The following FAM72D variants were observed in gnomAD, a reference collection of about 807,000 sequenced individuals.
FAM72D encodes RUMY family member 4.
For synonymous variants in FAM72D, 4 were observed against 35.1 expected (o/e 0.11, Z 3.13); for missense variants, 9 against 104.7 (o/e 0.09, Z 3.99).
Position 145,105,653 on chromosome 1 carries a change from A to G in FAM72D, c.355+2522A>G, listed in dbSNP as rs1229365160. Among the ~76,000 whole-genome samples, 7 of 149,302 alleles carry G rather than the reference A, an allele frequency of 4.7e-5. 1 individual carries two copies. Among genetic ancestry groups the G allele is most frequent in the Admixed American group, 6.7e-5 (1 of 15,032 alleles). On this transcript the variant is annotated intron_variant, in intron 3 of 3. Transcript: ENST00000400889. ...GCACCAAGAGTGGAACTCCATCTGA[A>G]AAAAAAAAGGAATAAGAGGCCGGGC...
In FAM72D at chr1:145,102,747, C is replaced by CAATAATAAT. The variant is rs199492496; in HGVS notation, c.231-225_231-217dup. ...GGGTGACAAGAGCAAAACTCGGTCT[C>CAATAATAAT]AATAATAATAATAATAATAATAATA... is the stretch of plus-strand genomic sequence containing the variant. On this transcript the variant is annotated intron_variant, in intron 2 of 3. Coordinates refer to ENST00000400889, the MANE Select transcript of FAM72D (RefSeq NM_207418.3). 4.7e-3 allele frequency among the ~76,000 whole-genome samples: 536 copies of CAATAATAAT among 114,848 alleles called. 3 individuals are homozygous for CAATAATAAT. Among genetic ancestry groups the CAATAATAAT allele is most frequent in the Non-Finnish European group, 5.9e-3 (310 of 52,556 alleles). The allele number at this position is 114,848 out of a possible 152,430, so 75.3% of individuals were successfully genotyped here.
chr1:145,100,956 T>C (rs9697572), intron 2 of FAM72D, among the ~76,000 whole-genome samples: 5 of 147,128 alleles, frequency 3.4e-5, no homozygotes, highest in East Asian at 2.0e-4. Context: ...TTTTGTTTTG[T>C]TTTGAGACGG....
chr1:145,097,248 G>A (rs1428769888), intron 1 of FAM72D, among the ~76,000 whole-genome samples: 1 of 132,950 alleles, frequency 7.5e-6, no homozygotes, highest in Non-Finnish European at 1.5e-5. Flanking sequence ...CATCTCTTAA[G>A]TTTGATCCCT....
intron 2 of FAM72D, among the ~76,000 whole-genome samples, chr1:145,102,697 G>A (rs1158641861): frequency 1.9e-5 from 2 of 104,306 alleles, no homozygotes. Context: ...AACCTGGGAG[G>A]CGGAGGTTGC....
At chr1:145,105,213 G>A (rs1479700892) in intron 3 of FAM72D, among the ~76,000 whole-genome samples, 1 of 1,698 alleles carries the variant, frequency 5.9e-4, no homozygotes, top group East Asian at 6.4e-3. Flanking sequence ...TAGAAATTTC[G>A]GAACAGTAAA....
At chr1:145,097,187 T>TGGTC (rs1654505797) in intron 1 of FAM72D, among the ~76,000 whole-genome samples, 188 bp downstream of exon 1, 1 of 144,148 alleles carries the variant, frequency 6.9e-6, no homozygotes, top group South Asian at 2.2e-4. Flanking sequence ...TTAGCCAAGG[T>TGGTC]GGTCAGTCCT....
At chr1:145,107,221 G>T in intron 3 of FAM72D, among the ~76,000 whole-genome samples, 1 of 148,330 alleles carries the variant, frequency 6.7e-6, no homozygotes, top group Non-Finnish European at 1.5e-5. Flanking sequence ...TTGTGTTAAG[G>T]TGCTGAGGCA....
intron 2 of FAM72D, among the ~76,000 whole-genome samples, chr1:145,101,093 C>G (rs1275904130): frequency 6.7e-6 from 1 of 149,552 alleles, no homozygotes; most frequent in Non-Finnish European, 1.5e-5. Flanking sequence ...AGGCACATGC[C>G]ACCATGCCCA....
intron 3 of FAM72D, among the ~76,000 whole-genome samples, chr1:145,107,519 GA>G (rs1290498067): frequency 8.0e-6 from 1 of 125,288 alleles, no homozygotes; most frequent in African/African-American, 3.0e-5. Flanking sequence ...GATTACATGG[GA>G]TTACAGACGT....
chr1:145,100,894 C>G (rs1654675754), intron 2 of FAM72D, among the ~76,000 whole-genome samples: 2 of 148,278 alleles, frequency 1.3e-5, no homozygotes, highest in African/African-American at 5.1e-5. Context: ...CCTCGGCCTC[C>G]CAAAGTGTGA....
intron 2 of FAM72D, among the ~76,000 whole-genome samples, chr1:145,101,139 G>A (rs1398253496): frequency 1.4e-5 from 2 of 144,596 alleles, no homozygotes; most frequent in African/African-American, 2.7e-5. Context: ...GTGGGGTTTC[G>A]CCATGTTGGC....
At chr1:145,100,458 G>T (rs2102538818) in intron 2 of FAM72D, among the ~76,000 whole-genome samples, 1 of 138,376 alleles carries the variant, frequency 7.2e-6, no homozygotes, top group South Asian at 2.3e-4. Context: ...ACTAGATGAA[G>T]TCACTGGCCT....
chr1:145,107,120 T>G (rs1329444875), intron 3 of FAM72D, among the ~76,000 whole-genome samples: 3 of 43,052 alleles, frequency 7.0e-5, no homozygotes, highest in Admixed American at 3.0e-4. Context: ...GGCAACAGAG[T>G]GAGACCCTGT....
At chr1:145,100,509 T>C (rs1417704122) in intron 2 of FAM72D, among the ~76,000 whole-genome samples, 2 of 146,224 alleles carry the variant, frequency 1.4e-5, no homozygotes, top group African/African-American at 5.1e-5. Context: ...TTTTTTTTTT[T>C]AAGACGGAGT....
Position 145,106,938 on chromosome 1 carries a change from A to G in FAM72D, c.355+3807A>G, listed in dbSNP as rs1553638477. Among the ~76,000 whole-genome samples the G allele has an allele frequency of 2.2e-5, 2 of 92,406 alleles. 1 individual carries two copies. The allele number at this position is 92,406 out of a possible 152,430, so 60.6% of individuals were successfully genotyped here. Reference sequence around the variant, plus strand: ...GTATGCTTATACTAATTATTTTAGCAAGGCCAGGCATGGTGGCTCACACCT... The same window carrying G: ...GTATGCTTATACTAATTATTTTAGCGAGGCCAGGCATGGTGGCTCACACCT... On this transcript the variant is annotated intron_variant, in intron 3 of 3. Coordinates refer to ENST00000400889, the MANE Select transcript of FAM72D (RefSeq NM_207418.3).
chr1:145,100,755 G>C (rs1553637862), intron 2 of FAM72D, among the ~76,000 whole-genome samples: 1 of 150,346 alleles, frequency 6.7e-6, no homozygotes, highest in East Asian at 2.0e-4. Context: ...GCCTCCCTAA[G>C]TGCTAGGATT....
chr1:145,095,094 C>CGGTCTGAG, upstream of FAM72D: 1 of 1,138,440 alleles, frequency 8.8e-7, no homozygotes, highest in South Asian at 1.7e-5. Context: ...GGATTCCGGG[C>CGGTCTGAG]GGCACCGCTA....
At chr1:145,106,048 GC>G (rs1654909372) in intron 3 of FAM72D, among the ~76,000 whole-genome samples, 1 of 139,920 alleles carries the variant, frequency 7.1e-6, no homozygotes, top group African/African-American at 2.7e-5. Flanking sequence ...ACTTGCTGCA[GC>G]TTCTACATCT....
chr1:145,107,276 A>C (rs1571202684), intron 3 of FAM72D, among the ~76,000 whole-genome samples: 3 of 121,920 alleles, frequency 2.5e-5, no homozygotes, highest in Admixed American at 8.6e-5. Flanking sequence ...ACAGAGTTTC[A>C]CTCTTGTTTC....
Sources: allele counts gnomAD v4.1 joint callset (sites outside exome capture counted in the v4.1 genomes callset), GRCh38; gene constraint gnomAD v4.1.1; transcripts MANE v1.5; gene names NCBI Gene and HGNC (gene_info 2026-07-23, HGNC 2026-07-21).